PRKAR1B: variants seen among roughly 807,000 people sequenced by gnomAD.
PRKAR1B encodes protein kinase cAMP-dependent type I regulatory subunit beta.
A neutral mutation model predicts 46.5 loss-of-function variants in PRKAR1B; 22 were observed. That is an observed-to-expected ratio of 0.47 (90% CI 0.34 to 0.68). The LOEUF (loss-of-function observed/expected upper bound fraction) is 0.68, where lower values mean the gene tolerates loss of function less well. Ranked by LOEUF, PRKAR1B falls within the 30% of genes least tolerant of loss-of-function variation. The pLI, the probability that PRKAR1B is intolerant of heterozygous loss-of-function variation, is 0.01. For synonymous variants in PRKAR1B, 259 were observed against 217.7 expected (o/e 1.19, Z -1.67); for missense variants, 445 against 535.6 (o/e 0.83, Z 1.67).
chr7:727,566 C>G (rs1429632613), upstream of PRKAR1B: 1 of 259,606 alleles, frequency 3.9e-6, no homozygotes, highest in Admixed American at 5.7e-5. Context: ...TTCAGCTGCT[C>G]CCTTGTCCTC....
intron 4 of PRKAR1B, among the ~76,000 whole-genome samples, chr7:640,326 A>G (rs954413168): frequency 6.6e-6 from 1 of 152,236 alleles, no homozygotes; most frequent in African/African-American, 2.4e-5. Flanking sequence ...AAGAACACTT[A>G]CAACTCCATA....
rs549673154 is a variant in PRKAR1B, at chr7:711,491, G to A, written c.15C>T (p.Pro5=). The change falls in exon 2 of 11, where the codon CCC becomes CCT. Residue 5 remains proline, a synonymous_variant. Coordinates refer to ENST00000537384, the MANE Select transcript of PRKAR1B (RefSeq NM_001164760.2). ...TCTCGTCCTCCTCCGAGGGGCAGGC[G>A]GGCGGGGAGGCCATGGCGAGGGTGG... is the stretch of plus-strand genomic sequence containing the variant. The part of the protein sequence containing the change: MASP[P]ACPSEEDESL... 15 of 1,613,316 alleles carry A rather than the reference G, an allele frequency of 9.3e-6. No individual in the cohort carries two copies. Among genetic ancestry groups the A allele is most frequent in the Non-Finnish European group, 1.3e-5 (15 of 1,179,772 alleles).
intron 8 of PRKAR1B, among the ~76,000 whole-genome samples, chr7:583,546 C>T (rs1562537517): frequency 8.3e-6 from 1 of 120,104 alleles, no homozygotes; most frequent in African/African-American, 3.3e-5. Context: ...CACACACGTG[C>T]CAAACACATG....
At chr7:715,904 A>AC (rs1780859886) in intron 1 of PRKAR1B, among the ~76,000 whole-genome samples, 1 of 151,760 alleles carries the variant, frequency 6.6e-6, no homozygotes, top group Non-Finnish European at 1.5e-5. Context: ...TTTAGTAGAG[A>AC]TGGGGTTTCA....
Position 680,828 on chromosome 7 carries a change from G to C in PRKAR1B, c.178-102C>G, listed in dbSNP as rs1778639509. On this transcript the variant is annotated intron_variant, in intron 2 of 10. Transcript: ENST00000537384. ...TCCCAGCACTGTGGGAGGACTAGTG[G>C]GAGGATCGCTTGAACTCAGGAGTTG... 10 of 1,369,470 alleles carry C rather than the reference G, an allele frequency of 7.3e-6. No individual in the cohort carries two copies. The South Asian group carries it at 1.3e-4, about 17-fold the overall frequency. The allele number at this position is 1,369,470 out of a possible 1,614,324, so 84.8% of individuals were successfully genotyped here.
intron 4 of PRKAR1B, among the ~76,000 whole-genome samples, chr7:621,193 A>C (rs998316363): frequency 1.1e-4 from 17 of 152,218 alleles, no homozygotes; most frequent in African/African-American, 4.1e-4. Flanking sequence ...GCAATTTGAG[A>C]AGTAAGAATA....
At chr7:552,230 C>A (rs1207373829) in intron 9 of PRKAR1B, among the ~76,000 whole-genome samples, 24 of 102,058 alleles carry the variant, frequency 2.4e-4, no homozygotes, top group Admixed American at 5.4e-4. Context: ...ACCACCACGT[C>A]ACCACCCAAA....
chr7:689,484 T>A (rs1221325352), intron 2 of PRKAR1B, among the ~76,000 whole-genome samples: 1 of 152,158 alleles, frequency 6.6e-6, no homozygotes, highest in Non-Finnish European at 1.5e-5. Context: ...AAAAAATTAT[T>A]TCAATTTTTG....
chr7:725,518 C>A (rs1781230297), intron 1 of PRKAR1B, among the ~76,000 whole-genome samples: 1 of 152,248 alleles, frequency 6.6e-6, no homozygotes, highest in Non-Finnish European at 1.5e-5. Flanking sequence ...GAAACACTGT[C>A]TTGCTTTTAA....
intron 4 of PRKAR1B, among the ~76,000 whole-genome samples, chr7:633,969 T>C (rs1783901340): frequency 6.6e-6 from 1 of 152,144 alleles, no homozygotes; most frequent in African/African-American, 2.4e-5. Context: ...GGGGAACTGC[T>C]TGAGCCCAGG....
At chr7:723,323 G>A (rs1781137486) in intron 1 of PRKAR1B, among the ~76,000 whole-genome samples, 1 of 152,162 alleles carries the variant, frequency 6.6e-6, no homozygotes, top group Non-Finnish European at 1.5e-5. Context: ...GCTTTGGCCA[G>A]AGAGAGGAGG....
At chr7:588,408 G>A (rs1780721275) in intron 7 of PRKAR1B, among the ~76,000 whole-genome samples, 2 of 152,208 alleles carry the variant, frequency 1.3e-5, no homozygotes, top group Admixed American at 1.3e-4. Context: ...GCTGCTAATG[G>A]TGATGGTGGT....
chr7:592,999 G>A (rs1360585839), intron 7 of PRKAR1B, among the ~76,000 whole-genome samples: 1 of 152,194 alleles, frequency 6.6e-6, no homozygotes, highest in Non-Finnish European at 1.5e-5. Flanking sequence ...TTGTGCCACT[G>A]CACTCCATCC....
intron 10 of PRKAR1B, among the ~76,000 whole-genome samples, 183 bp downstream of exon 10, chr7:551,206 C>T (rs1047043822): frequency 3.3e-5 from 5 of 152,134 alleles, no homozygotes; most frequent in Admixed American, 1.3e-4. Flanking sequence ...CAGACCTGGC[C>T]CTGGGACTTC....
At chr7:571,140 G>A (rs562563619) in intron 9 of PRKAR1B, among the ~76,000 whole-genome samples, 1 of 152,174 alleles carries the variant, frequency 6.6e-6, no homozygotes, top group Non-Finnish European at 1.5e-5. Context: ...GGAACTGAAA[G>A]GGCCACCACA....
chr7:710,806 A>G (rs550622680), intron 2 of PRKAR1B, among the ~76,000 whole-genome samples: 1 of 151,276 alleles, frequency 6.6e-6, no homozygotes, highest in Non-Finnish European at 1.5e-5. Flanking sequence ...ACCACACCCA[A>G]CTAATTTTTG....
At chr7:627,190 G>A (rs373593832) in intron 4 of PRKAR1B, among the ~76,000 whole-genome samples, 28 of 151,810 alleles carry the variant, frequency 1.8e-4, no homozygotes, top group African/African-American at 6.0e-4. Context: ...GGGTCTCGTC[G>A]CATTGCCCAG....
chr7:727,208 AC>A lies in PRKAR1B; in HGVS notation c.-23+1del. On this transcript the variant is annotated splice_donor_variant, in intron 1 of 10. Transcript: ENST00000537384. LOFTEE classifies it low-confidence loss of function (5UTR_SPLICE). ...CTGTGCGGCGCCGCGCTCGCGCCCC[AC>A]CTGGACGACGCTCTGCGCGCGCTGC... is the stretch of plus-strand genomic sequence containing the variant. The A allele has an allele frequency of 7.4e-7, 1 of 1,347,854 alleles. No individual in the cohort carries two copies. The highest frequency in any genetic ancestry group is 1.7e-5 in the South Asian group (1 of 59,254). 83.5% of individuals were successfully genotyped at this position (1,347,854 alleles called of 1,614,324 possible).
At chr7:699,032 C>T (rs768852582) in intron 2 of PRKAR1B, among the ~76,000 whole-genome samples, 4 of 152,182 alleles carry the variant, frequency 2.6e-5, no homozygotes, top group East Asian at 1.9e-4. Context: ...GTTCCTAGGA[C>T]GGAGGATGAG....
Sources: gnomAD v4.1 joint callset for allele counts (sites outside exome capture counted in the v4.1 genomes callset) on GRCh38, gnomAD v4.1.1 for gene constraint, MANE v1.5 for transcripts, NCBI Gene and HGNC (gene_info 2026-07-23, HGNC 2026-07-21) for gene names.